Variants in ANKH observed in about 807,000 individuals in gnomAD.
The protein encoded by ANKH is ANKH inorganic pyrophosphate transport regulator.
In ANKH, 15 loss-of-function variants were observed where a neutral mutation model predicts 49.0. The ratio of observed to expected loss-of-function variants is 0.31; its 90% CI spans 0.20 to 0.47. The LOEUF (loss-of-function observed/expected upper bound fraction) is 0.47, where lower values mean the gene tolerates loss of function less well. Among genes scored for constraint, ANKH ranks in the 20% least tolerant of loss-of-function variants. ANKH has a pLI of 1.00. For missense variants in ANKH, 429 were observed against 652.0 expected, an observed-to-expected ratio of 0.66 and a Z score of 3.72; for synonymous variants, 273 against 260.0, an observed-to-expected ratio of 1.05 and a Z score of -0.48.
chr5:14,820,484 G>A (rs1295880393), intron 1 of ANKH, among the ~76,000 whole-genome samples: 1 of 152,206 alleles, frequency 6.6e-6, no homozygotes, highest in East Asian at 1.9e-4. Flanking sequence ...AACAAGCAGA[G>A]TGAGAGGACT....
At chr5:14,843,712 C>T (rs1561080442) in intron 1 of ANKH, among the ~76,000 whole-genome samples, 2 of 152,124 alleles carry the variant, frequency 1.3e-5, no homozygotes, top group Admixed American at 6.5e-5. Context: ...ATTACCTCGC[C>T]CTAACAACCT....
chr5:14,747,125 T>G (rs1260555218), intron 6 of ANKH, among the ~76,000 whole-genome samples: 1 of 152,206 alleles, frequency 6.6e-6, no homozygotes, highest in Non-Finnish European at 1.5e-5. Context: ...TTTTGCGTGG[T>G]TGTTGATGGC....
intron 1 of ANKH, among the ~76,000 whole-genome samples, chr5:14,840,168 G>C (rs1054652367): frequency 2.0e-5 from 3 of 152,152 alleles, no homozygotes; most frequent in East Asian, 1.9e-4. Flanking sequence ...GAACATGCTG[G>C]GTTTGCTCAT....
intron 7 of ANKH, among the ~76,000 whole-genome samples, chr5:14,742,265 C>T (rs1738385626): frequency 6.6e-6 from 1 of 152,230 alleles, no homozygotes; most frequent in Non-Finnish European, 1.5e-5. Flanking sequence ...CCAGCAGACC[C>T]TGTGCCTGGC....
In ANKH at chr5:14,767,700, G is replaced by A. The variant is rs1739300684; in HGVS notation, c.313+1275C>T. Among the ~76,000 whole-genome samples, 3 of 152,052 alleles carry A rather than the reference G, an allele frequency of 2.0e-5. No homozygotes were observed. In the South Asian group the frequency reaches 6.2e-4, roughly 32 times the overall value. On this transcript the variant is annotated intron_variant, in intron 2 of 11. Coordinates refer to ENST00000284268, the MANE Select transcript of ANKH (RefSeq NM_054027.6). Reference sequence around the variant, plus strand: ...ATAGGGAATGTTGGATTATTTATAAGTCCAAGTAAAAAAAGAGCTAGTAAC... The same window carrying A: ...ATAGGGAATGTTGGATTATTTATAAATCCAAGTAAAAAAAGAGCTAGTAAC...
chr5:14,716,534 G>T (rs1737469613), intron 9 of ANKH, among the ~76,000 whole-genome samples, 172 bp downstream of exon 9: 1 of 152,108 alleles, frequency 6.6e-6, no homozygotes, highest in Non-Finnish European at 1.5e-5. Context: ...AAGTTATACT[G>T]TTTGATTCAT....
intron 2 of ANKH, among the ~76,000 whole-genome samples, chr5:14,764,008 AGCCTG>A: frequency 6.6e-6 from 1 of 152,104 alleles, no homozygotes; most frequent in Non-Finnish European, 1.5e-5. Context: ...AGAATGCCTG[AGCCTG>A]GGAGGCGGAG....
At chr5:14,785,185 ACGAATAT>A (rs1246952004) in intron 1 of ANKH, among the ~76,000 whole-genome samples, 63 of 152,174 alleles carry the variant, frequency 4.1e-4, no homozygotes, top group African/African-American at 1.5e-3. Flanking sequence ...AACAAAAAAG[ACGAATAT>A]CCATAGGTAC....
chr5:14,718,837 C>G (rs1437393074), intron 8 of ANKH, among the ~76,000 whole-genome samples: 1 of 144,960 alleles, frequency 6.9e-6, no homozygotes, highest in Admixed American at 6.9e-5. Context: ...CCACCCCCCC[C>G]CCAAAAAAAA....
intron 1 of ANKH, among the ~76,000 whole-genome samples, chr5:14,784,863 C>T (rs1430928543): frequency 2.0e-5 from 3 of 152,062 alleles, no homozygotes; most frequent in Non-Finnish European, 4.4e-5. Context: ...AGAAAAGGCA[C>T]TTGCTGAAGT....
At chr5:14,739,168 G>C (rs1738275709) in intron 8 of ANKH, among the ~76,000 whole-genome samples, 1 of 152,216 alleles carries the variant, frequency 6.6e-6, no homozygotes, top group African/African-American at 2.4e-5. Context: ...TGTAATCCCA[G>C]CACTTTGGGA....
chr5:14,731,769 C>A (rs1738010781), intron 8 of ANKH, among the ~76,000 whole-genome samples: 1 of 152,208 alleles, frequency 6.6e-6, no homozygotes, highest in African/African-American at 2.4e-5. Flanking sequence ...TGCCAAGCGG[C>A]TAATTTAAAA....
At position 14,770,276 on chromosome 5, in the gene ANKH, A is replaced by C. The variant is rs1345557162; in HGVS notation, c.97-1085T>G. Among the ~76,000 whole-genome samples the C allele has an allele frequency of 6.6e-6, 1 of 152,150 alleles. No individual in the cohort carries two copies. Among genetic ancestry groups the C allele is most frequent in the African/African-American group, 2.4e-5 (1 of 41,426 alleles). ...TATCAACATCCCACGCCAGAGTGGT[A>C]CATGCCTTACAATCAATGAATCTAC... On this transcript the variant is annotated intron_variant, in intron 1 of 11. Transcript: ENST00000284268. This position sits in a 1 kb window ranked among gnomAD's most constrained non-coding sequence, Gnocchi z 4.1.
In ANKH at chr5:14,737,338, G is replaced by C. The variant is rs1444038574; in HGVS notation, c.1011+4489C>G. On this transcript the variant is annotated intron_variant, in intron 8 of 11. Transcript: ENST00000284268. This position sits in a 1 kb window ranked among gnomAD's most constrained non-coding sequence, Gnocchi z 5.0. ...GCACCATGATAGGCCCCAGGGGTTTGTAGGAGGCTGGGTTTCTGTAAGTTC... is the reference window on the plus strand; with the variant it reads ...GCACCATGATAGGCCCCAGGGGTTTCTAGGAGGCTGGGTTTCTGTAAGTTC... 1.3e-5 allele frequency among the ~76,000 whole-genome samples: 2 copies of C among 152,180 alleles called. No homozygotes were observed.
chr5:14,717,455 G>A (rs80149450), intron 8 of ANKH, among the ~76,000 whole-genome samples: 67 of 152,330 alleles, frequency 4.4e-4, no homozygotes, highest in African/African-American at 1.6e-3. Context: ...TCTTGAACCC[G>A]ATGGGGAAAG....
At chr5:14,747,918 G>C (rs1738590092) in intron 6 of ANKH, among the ~76,000 whole-genome samples, 1 of 152,134 alleles carries the variant, frequency 6.6e-6, no homozygotes, top group Non-Finnish European at 1.5e-5. Flanking sequence ...TGGTGGAATA[G>C]TAAGAACAAT....
At chr5:14,734,983 G>T (rs1033661967) in intron 8 of ANKH, among the ~76,000 whole-genome samples, 12 of 152,310 alleles carry the variant, frequency 7.9e-5, no homozygotes, top group Admixed American at 3.9e-4. Context: ...TTGAATGTTT[G>T]TAGTGGCCCA....
rs1401413763 is a variant in ANKH, at chr5:14,713,273, C to T, written c.1265+271G>A. On this transcript the variant is annotated intron_variant, in intron 10 of 11. Transcript: ENST00000284268. This position sits in a 1 kb window ranked among gnomAD's most constrained non-coding sequence, Gnocchi z 4.4. ...GTCCTTCTCTTCTGGTTTTCATGTC[C>T]AGCATACGTTCAAGCCCGTGCAGGG... Among the ~76,000 whole-genome samples, 1 of 152,132 alleles carries T rather than the reference C, an allele frequency of 6.6e-6. No homozygotes were observed. The highest frequency in any genetic ancestry group is 1.5e-5 in the Non-Finnish European group (1 of 68,028).
rs1007591888 is a variant in ANKH at position 14,727,629 on chromosome 5, T to C, written c.1012-10794A>G. Reference sequence around the variant, plus strand: ...TTTTTCTCACAGGATCTGAGGACTATTGATAAAGTTCCACACTCCAGCTTC... The same window carrying C: ...TTTTTCTCACAGGATCTGAGGACTACTGATAAAGTTCCACACTCCAGCTTC... On this transcript the variant is annotated intron_variant, in intron 8 of 11. Coordinates refer to ENST00000284268, the MANE Select transcript of ANKH (RefSeq NM_054027.6). 5.9e-5 allele frequency among the ~76,000 whole-genome samples: 9 copies of C among 152,182 alleles called. 1 individual carries two copies. The highest frequency in any genetic ancestry group is 3.3e-4 in the Admixed American group (5 of 15,284).
Sources: allele counts gnomAD v4.1 joint callset (sites outside exome capture counted in the v4.1 genomes callset), GRCh38; gene constraint gnomAD v4.1.1; non-coding constraint Gnocchi (gnomAD v3.1); transcripts MANE v1.5; gene names NCBI Gene and HGNC (gene_info 2026-07-23, HGNC 2026-07-21).